Variants in EIF3F observed in about 807,000 individuals in gnomAD.
EIF3F encodes eukaryotic translation initiation factor 3 subunit F.
EIF3F carries 8 observed loss-of-function variants against 36.0 expected under a neutral mutation model. That is an observed-to-expected ratio of 0.22 (90% CI 0.13 to 0.40). The LOEUF is 0.40. Ranked by LOEUF, EIF3F falls within the 10% of genes least tolerant of loss-of-function variation. The probability of loss-of-function intolerance (pLI) is 1.00; values close to 1 mark genes in which losing one functional copy is unlikely to be tolerated. For synonymous variants in EIF3F, 184 were observed against 188.5 expected, an observed-to-expected ratio of 0.98 and a Z score of 0.19; for missense variants, 430 against 467.6, an observed-to-expected ratio of 0.92 and a Z score of 0.74.
chr11:7,995,525 G>T lies in EIF3F; in HGVS notation c.996+158G>T. ...AAGTCCAGGTTGGGAGGAAGGAAGA[G>T]GTGTGTTATGCGTGGTTGGAGACTT... On this transcript the variant is annotated intron_variant, in intron 7 of 7. Transcript: ENST00000651655. 4.4e-6 allele frequency: 3 copies of T among 679,792 alleles called. No homozygotes were observed. The South Asian group carries it at 5.0e-5, about 11-fold the overall frequency. 42.1% of individuals were successfully genotyped at this position (679,792 alleles called of 1,614,324 possible).
At chr11:7,993,882 A>G (rs140982462) in intron 4 of EIF3F, among the ~76,000 whole-genome samples, 1 of 152,200 alleles carries the variant, frequency 6.6e-6, no homozygotes, top group East Asian at 1.9e-4. Context: ...ATAAGATCCA[A>G]CTATATATAT....
chr11:7,992,797 T>C (rs1346680890), intron 3 of EIF3F, 90 bp from the exon 4 acceptor site: 4 of 1,571,858 alleles, frequency 2.5e-6, no homozygotes, highest in South Asian at 1.1e-5. Context: ...CGTAGAAGTG[T>C]CCGGTACCCT....
chr11:7,988,695 C>G (rs11607445), intron 1 of EIF3F, among the ~76,000 whole-genome samples: 11,906 of 152,240 alleles, frequency 0.078, 603 homozygotes, highest in Non-Finnish European at 0.11. Flanking sequence ...CCATAGAAGA[C>G]AGTTGGTATA....
intron 3 of EIF3F, chr11:7,992,633 C>T (rs767146983): frequency 5.8e-6 from 3 of 518,472 alleles, no homozygotes; most frequent in African/African-American, 1.9e-5. Context: ...GTGGGTTTTG[C>T]TGGTGGTTCT....
rs529280859 is a variant in EIF3F at position 7,998,100 on chromosome 11, A to G, written c.*2078A>G. 3 of 152,228 alleles carry G rather than the reference A, an allele frequency of 2.0e-5. No individual in the cohort carries two copies. Among genetic ancestry groups the G allele is most frequent in the East Asian group, 1.9e-4 (1 of 5,182 alleles). 9.4% of individuals were successfully genotyped at this position (152,228 alleles called of 1,614,324 possible). On this transcript the variant is annotated 3_prime_UTR_variant, in exon 8 of 8. Transcript: ENST00000651655. Reference sequence around the variant, plus strand: ...ACGGTGACTGTGTGTGTATATATATATGTATAGTCTGTTCTCATTATCTAT... The same window carrying G: ...ACGGTGACTGTGTGTGTATATATATGTGTATAGTCTGTTCTCATTATCTAT...
chr11:7,988,178 T>C (rs1463916594), intron 1 of EIF3F, among the ~76,000 whole-genome samples: 1 of 152,232 alleles, frequency 6.6e-6, no homozygotes, highest in African/African-American at 2.4e-5. Flanking sequence ...TTCCAGGTAT[T>C]GACAAAGTTT....
chr11:7,996,054 G>C lies in EIF3F; in HGVS notation c.*32G>C. The C allele has an allele frequency of 6.2e-7, 1 of 1,602,190 alleles. No homozygotes were observed. The highest frequency in any genetic ancestry group is 8.6e-7 in the Non-Finnish European group (1 of 1,169,144). On this transcript the variant is annotated 3_prime_UTR_variant, in exon 8 of 8. Transcript: ENST00000651655. The stretch of plus-strand genomic sequence containing the variant: ...CCCAAGCAGTACACTTGCTGGTCTA[G>C]GTATTAACCCCAGGACTCAGAAGTG...
intron 1 of EIF3F, among the ~76,000 whole-genome samples, chr11:7,991,148 T>C (rs1942088532): frequency 6.6e-6 from 1 of 151,242 alleles, no homozygotes; most frequent in Non-Finnish European, 1.5e-5. Context: ...TGAGCCGAGA[T>C]TGCACCACTG....
chr11:7,994,822 AG>A (rs1942142585), intron 5 of EIF3F, 159 bp from the exon 6 acceptor site: 1 of 1,053,378 alleles, frequency 9.5e-7, no homozygotes, highest in African/African-American at 1.6e-5. Flanking sequence ...AAAGCTGATA[AG>A]GGCACAGCAG....
intron 1 of EIF3F, among the ~76,000 whole-genome samples, chr11:7,991,260 T>C (rs1942091048): frequency 6.6e-6 from 1 of 151,760 alleles, no homozygotes; most frequent in Admixed American, 6.6e-5. Flanking sequence ...AAGTTTGTGG[T>C]AAAAGACTGA....
chr11:7,992,531 C>T, intron 3 of EIF3F: 1 of 427,124 alleles, frequency 2.3e-6, no homozygotes, highest in Non-Finnish European at 4.3e-6. Flanking sequence ...ATGATCATGC[C>T]TTGCCACTGC....
rs1178145247 is a variant in EIF3F, at chr11:7,996,860, T to C, written c.*838T>C. On this transcript the variant is annotated 3_prime_UTR_variant, in exon 8 of 8. Coordinates refer to ENST00000651655, the MANE Select transcript of EIF3F (RefSeq NM_003754.3). ...GAATCAAAAAGGCCTGGATCCTAGTTCTGAGGTATGTGTAGCCTTAGGAAA... is the reference window on the plus strand; with the variant it reads ...GAATCAAAAAGGCCTGGATCCTAGTCCTGAGGTATGTGTAGCCTTAGGAAA... 1 of 152,236 alleles carries C rather than the reference T, an allele frequency of 6.6e-6. No homozygotes were observed. The highest frequency in any genetic ancestry group is 1.9e-4 in the East Asian group (1 of 5,204). 9.4% of individuals were successfully genotyped at this position (152,236 alleles called of 1,614,324 possible).
At position 7,991,881 on chromosome 11, in the gene EIF3F, A is replaced by G. The variant is rs563853145; in HGVS notation, c.435+30A>G. ...GTGGGAATCCAAGCTGTCCCTCTGCAGTTTTTAGCTGTTCATTTGCTCGGC... is the reference window on the plus strand; with the variant it reads ...GTGGGAATCCAAGCTGTCCCTCTGCGGTTTTTAGCTGTTCATTTGCTCGGC... On this transcript the variant is annotated intron_variant, in intron 2 of 7. Coordinates refer to ENST00000651655, the MANE Select transcript of EIF3F (RefSeq NM_003754.3). 229 of 1,613,546 alleles carry G rather than the reference A, an allele frequency of 1.4e-4. No homozygotes were observed. In the South Asian group the frequency reaches 2.0e-3, roughly 14 times the overall value.
intron 7 of EIF3F, chr11:7,995,600 T>G (rs1295702262): frequency 1.0e-5 from 6 of 589,674 alleles, no homozygotes; most frequent in Non-Finnish European, 1.8e-5. Context: ...GATACTACTG[T>G]GACTTACTGT....
At chr11:7,993,734 G>A (rs1459893294) in intron 4 of EIF3F, among the ~76,000 whole-genome samples, 2 of 152,098 alleles carry the variant, frequency 1.3e-5, no homozygotes. Context: ...CAAAGATGGT[G>A]GATGCCAAGT....
rs555031946 is a variant in EIF3F at position 7,997,791 on chromosome 11, A to G, written c.*1769A>G. 6.6e-6 allele frequency: 1 copy of G among 152,374 alleles called. No homozygotes were observed. The highest frequency in any genetic ancestry group is 1.9e-4 in the East Asian group (1 of 5,190). The allele number at this position is 152,374 out of a possible 1,614,324, so 9.4% of individuals were successfully genotyped here. A position where few individuals can be genotyped will look rare whatever the true frequency, so the allele number is the denominator to read the frequency against. On this transcript the variant is annotated 3_prime_UTR_variant, in exon 8 of 8. Transcript: ENST00000651655. ...TTGGCTGTCTGTATATGTGGGTTCC[A>G]CATCTATGGACTCAACCAACTACAG...
At position 7,987,606 on chromosome 11, in the gene EIF3F, C is replaced by T; in HGVS notation, c.254C>T (p.Pro85Leu). 6.3e-7 allele frequency: 1 copy of T among 1,587,180 alleles called. No homozygotes were observed. Among genetic ancestry groups the T allele is most frequent in the Non-Finnish European group, 8.6e-7 (1 of 1,165,170 alleles). The change falls in exon 1 of 8, where the codon CCC (proline) becomes CTC (leucine). Residue 85 changes from proline to leucine, a missense_variant. Physicochemically the swap from Pro to Leu is moderately conservative, Grantham distance 98. Transcript: ENST00000651655. ...PALPGPALPG[P>L]FPGGRVVRLH... The stretch of plus-strand genomic sequence containing the variant: ...CTGCCTGGTCCTGCTCTTCCAGGGC[C>T]CTTCCCCGGCGGCCGCGTGGTCAGG...
intron 3 of EIF3F, 99 bp from the exon 4 acceptor site, chr11:7,992,788 G>A (rs544304395): frequency 2.2e-5 from 33 of 1,528,202 alleles, no homozygotes; most frequent in South Asian, 8.1e-5. Flanking sequence ...GTGTCCTACC[G>A]TAGAAGTGTC....
rs1243554588 is a variant in EIF3F, at chr11:7,996,426, A to G, written c.*404A>G. On this transcript the variant is annotated 3_prime_UTR_variant, in exon 8 of 8. Transcript: ENST00000651655. ...GAGAAAAAATAGCTAAGAAAATTGG[A>G]TGCTTAATCTGAACTAAAAGAGTAG... 2 of 174,540 alleles carry G rather than the reference A, an allele frequency of 1.1e-5. No individual in the cohort carries two copies. The highest frequency in any genetic ancestry group is 2.4e-5 in the Non-Finnish European group (2 of 81,652). The allele number at this position is 174,540 out of a possible 1,614,324, so 10.8% of individuals were successfully genotyped here. A position where few individuals can be genotyped will look rare whatever the true frequency, so the allele number is the denominator to read the frequency against.
Sources: gnomAD v4.1 joint callset for allele counts (sites outside exome capture counted in the v4.1 genomes callset) on GRCh38, gnomAD v4.1.1 for gene constraint, MANE v1.5 for transcripts, NCBI Gene and HGNC (gene_info 2026-07-23, HGNC 2026-07-21) for gene names.